Variants in ADK observed in about 807,000 individuals in gnomAD.
ADK encodes adenosine kinase, also known as N6,N6-dimethyladenosine kinase.
In ADK, 24 loss-of-function variants were observed where a neutral mutation model predicts 44.7. The ratio of observed to expected loss-of-function variants is 0.54; its 90% confidence interval spans 0.39 to 0.76. The LOEUF (loss-of-function observed/expected upper bound fraction) is 0.76. Among genes scored for constraint, ADK ranks in the 30% least tolerant of loss-of-function variants. The pLI is 0.00. For synonymous variants in ADK, 128 were observed against 142.6 expected, an observed-to-expected ratio of 0.90 and a Z score of 0.73; for missense variants, 321 against 425.1, an observed-to-expected ratio of 0.76 and a Z score of 2.15.
intron 10 of ADK, among the ~76,000 whole-genome samples, chr10:74,681,005 A>G (rs1487687446): frequency 6.6e-6 from 1 of 152,226 alleles, no homozygotes; most frequent in Non-Finnish European, 1.5e-5. Flanking sequence ...TTTTCAGTTG[A>G]TCAAATGTAG....
At chr10:74,283,784 C>T (rs1439937541) in intron 3 of ADK, among the ~76,000 whole-genome samples, 4 of 148,850 alleles carry the variant, frequency 2.7e-5, no homozygotes, top group Non-Finnish European at 4.5e-5. Context: ...GAGTTCACGC[C>T]ATTCTCCTGC....
chr10:74,668,152 G>C (rs929858561), intron 9 of ADK, among the ~76,000 whole-genome samples: 11 of 152,114 alleles, frequency 7.2e-5, no homozygotes, highest in African/African-American at 2.7e-4. Flanking sequence ...TTTGGTTTTA[G>C]TTTATAGTTG....
chr10:74,170,560 A>T (rs1438540798), intron 1 of ADK, among the ~76,000 whole-genome samples: 1 of 152,098 alleles, frequency 6.6e-6, no homozygotes, highest in African/African-American at 2.4e-5. Flanking sequence ...GCACTTTGGG[A>T]GGCCGAGGCA....
At chr10:74,290,487 T>C (rs921119562) in intron 3 of ADK, among the ~76,000 whole-genome samples, 1 of 152,178 alleles carries the variant, frequency 6.6e-6, no homozygotes, top group African/African-American at 2.4e-5. Flanking sequence ...GTTTAATGAC[T>C]GAAGAAGTCT....
chr10:74,256,033 C>A (rs1206680781), intron 3 of ADK, among the ~76,000 whole-genome samples: 2 of 152,098 alleles, frequency 1.3e-5, no homozygotes, highest in Admixed American at 1.3e-4. Context: ...GTGTTGTAAT[C>A]AGAGTCAAGA....
At chr10:74,606,272 C>T (rs1004642797) in intron 9 of ADK, among the ~76,000 whole-genome samples, 3 of 152,066 alleles carry the variant, frequency 2.0e-5, no homozygotes, top group African/African-American at 7.2e-5. Flanking sequence ...TTATTTCTTG[C>T]CTTCTGCTAG....
At chr10:74,520,024 A>T (rs1036984905) in intron 6 of ADK, among the ~76,000 whole-genome samples, 4 of 151,976 alleles carry the variant, frequency 2.6e-5, no homozygotes, top group Non-Finnish European at 4.4e-5. Context: ...ATGTATTTTT[A>T]AAAAATGTTT....
At chr10:74,451,263 CT>C (rs1845769375) in intron 6 of ADK, among the ~76,000 whole-genome samples, 1 of 151,404 alleles carries the variant, frequency 6.6e-6, no homozygotes, top group Non-Finnish European at 1.5e-5. Flanking sequence ...GCCCTGATTG[CT>C]TTTTAGTGAT....
rs527744917 is a variant in ADK, at chr10:74,616,144, A to G, written c.877+15651A>G. 2.4e-4 allele frequency among the ~76,000 whole-genome samples: 37 copies of G among 152,104 alleles called. No homozygotes were observed. In the South Asian group the frequency reaches 7.7e-3, roughly 32 times the overall value. ...CTTTTGTTAGATAAATGTATTGTAGATATCTCCTGCTACTCTGTGGCTTGC... is the reference window on the plus strand; with the variant it reads ...CTTTTGTTAGATAAATGTATTGTAGGTATCTCCTGCTACTCTGTGGCTTGC... On this transcript the variant is annotated intron_variant, in intron 9 of 10. Coordinates refer to ENST00000539909, the MANE Select transcript of ADK (RefSeq NM_006721.4).
intron 6 of ADK, among the ~76,000 whole-genome samples, chr10:74,467,192 G>A (rs187881634): frequency 6.6e-6 from 1 of 152,210 alleles, no homozygotes; most frequent in African/African-American, 2.4e-5. Flanking sequence ...AAAAGATCGT[G>A]CATGTAATAG....
chr10:74,427,365 AT>A, intron 6 of ADK, among the ~76,000 whole-genome samples: 1 of 151,918 alleles, frequency 6.6e-6, no homozygotes, highest in East Asian at 1.9e-4. Flanking sequence ...CGCCTGGCTA[AT>A]TTTTTGTATT....
At chr10:74,547,430 TTA>T (rs10596248) in intron 7 of ADK, among the ~76,000 whole-genome samples, 8,977 of 137,378 alleles carry the variant, frequency 0.065, 1,032 homozygotes, top group African/African-American at 0.24. Context: ...TTTTCCCACT[TTA>T]TATATATATA....
At chr10:74,571,747 A>G (rs1850971438) in intron 7 of ADK, among the ~76,000 whole-genome samples, 1 of 151,928 alleles carries the variant, frequency 6.6e-6, no homozygotes, top group Non-Finnish European at 1.5e-5. Context: ...TCCTGGATTC[A>G]TTAATTTTTT....
chr10:74,188,798 A>G (rs1312547078), intron 1 of ADK, among the ~76,000 whole-genome samples: 1 of 147,986 alleles, frequency 6.8e-6, no homozygotes, highest in Non-Finnish European at 1.5e-5. Flanking sequence ...TCAGAGACGG[A>G]GTCTTGCTCT....
At chr10:74,158,059 A>G (rs1459206092) in intron 1 of ADK, among the ~76,000 whole-genome samples, 2 of 152,220 alleles carry the variant, frequency 1.3e-5, no homozygotes, top group Non-Finnish European at 2.9e-5. Context: ...TGGAAACAAA[A>G]ATATAAACTA....
chr10:74,420,740 C>G (rs757506428), intron 6 of ADK, among the ~76,000 whole-genome samples: 43 of 152,110 alleles, frequency 2.8e-4, no homozygotes, highest in Admixed American at 3.9e-4. Flanking sequence ...AACTCAATAA[C>G]TTTTAAGTAG....
intron 9 of ADK, among the ~76,000 whole-genome samples, chr10:74,620,917 T>G (rs939586124): frequency 7.9e-5 from 12 of 152,178 alleles, no homozygotes; most frequent in Admixed American, 2.0e-4. Flanking sequence ...TTGTTTGTTT[T>G]TTTACTGTTG....
At chr10:74,654,045 T>A (rs949610072) in intron 9 of ADK, among the ~76,000 whole-genome samples, 4 of 147,006 alleles carry the variant, frequency 2.7e-5, no homozygotes, top group African/African-American at 1.1e-4. Flanking sequence ...CAGTTTTTTC[T>A]TTTGTAAACT....
chr10:74,235,969 A>T (rs1187311054), intron 3 of ADK, among the ~76,000 whole-genome samples: 1 of 152,188 alleles, frequency 6.6e-6, no homozygotes, highest in African/African-American at 2.4e-5. Flanking sequence ...GAAGTTGCTG[A>T]GCAGAAGCTG....
Sources: allele counts gnomAD v4.1 joint callset (sites outside exome capture counted in the v4.1 genomes callset), GRCh38; gene constraint gnomAD v4.1.1; transcripts MANE v1.5; gene names NCBI Gene and HGNC (gene_info 2026-07-23, HGNC 2026-07-21).